The following ZNF469 variants were observed in gnomAD, a reference collection of about 807,000 sequenced individuals.
ZNF469 encodes zinc finger protein 469.
ZNF469 carries 1 observed loss-of-function variant against 1.0 expected under a neutral mutation model. The ratio of observed to expected loss-of-function variants is 1.00; its 90% CI spans 0.35 to 4.73. The LOEUF (loss-of-function observed/expected upper bound fraction) is 4.73. ZNF469 is among the 30% of genes most tolerant of loss of function. The pLI is 0.16. For synonymous variants in ZNF469, 2,703 were observed against 2,363.4 expected (o/e 1.14, Z -4.17); for missense variants, 6,100 against 5,356.3 (o/e 1.14, Z -4.33).
At position 88,435,630 on chromosome 16, in the gene ZNF469, G is replaced by A. The variant is rs1332332335; in HGVS notation, c.8160G>A (p.Gly2720=). 2 of 1,550,426 alleles carry A rather than the reference G, an allele frequency of 1.3e-6. No homozygotes were observed. The highest frequency in any genetic ancestry group is 8.7e-7 in the Non-Finnish European group (1 of 1,146,996). ...AGGCTCTGTGTGCAGGGGAGACTGG[G>A]GCCCAGAAGCCACCTGGAGATCGGA... ...DQEALCAGET[G]AQKPPGDRML... Residue 2720 remains glycine (G), a synonymous_variant, in exon 3 of 3, where the codon GGG becomes GGA. Transcript: ENST00000565624.
At chr16:88,371,720 A>G in the ZNF469 span, among the ~76,000 whole-genome samples, 2 of 152,022 alleles carry the variant, frequency 1.3e-5, no homozygotes, top group Non-Finnish European at 2.9e-5. Flanking sequence ...CACCAACATC[A>G]CAGCTTGGTT....
chr16:88,259,312 C>T, the ZNF469 span, among the ~76,000 whole-genome samples: 1 of 151,562 alleles, frequency 6.6e-6, no homozygotes, highest in Non-Finnish European at 1.5e-5. This position sits in a 1 kb window ranked among gnomAD's most constrained non-coding sequence, Gnocchi z 4.1. Context: ...GGTCGACGCC[C>T]CCTCCTTCCC....
chr16:88,287,148 C>T, the ZNF469 span, among the ~76,000 whole-genome samples: 1 of 152,172 alleles, frequency 6.6e-6, no homozygotes. Flanking sequence ...TTCACCGAAT[C>T]TTCAGTTTCT....
chr16:88,176,776 G>T, the ZNF469 span, among the ~76,000 whole-genome samples: 1 of 152,256 alleles, frequency 6.6e-6, no homozygotes, highest in African/African-American at 2.4e-5. Context: ...AACGCCCAGC[G>T]CAGCTTCTGG....
chr16:88,361,923 T>C, the ZNF469 span, among the ~76,000 whole-genome samples: 55 of 152,318 alleles, frequency 3.6e-4, no homozygotes, highest in Admixed American at 3.6e-3. Context: ...AGATTCACCA[T>C]TGGATTGCAT....
chr16:88,179,526 G>A, the ZNF469 span, among the ~76,000 whole-genome samples: 12 of 152,280 alleles, frequency 7.9e-5, no homozygotes, highest in African/African-American at 2.6e-4. Context: ...AAGTTGCCCG[G>A]CCCCAGGTGT....
the ZNF469 span, among the ~76,000 whole-genome samples, chr16:88,124,693 T>A: frequency 1.3e-5 from 2 of 152,234 alleles, no homozygotes; most frequent in African/African-American, 4.8e-5. Flanking sequence ...CAAGCGATTC[T>A]CCTGCCTCAG....
chr16:88,196,095 G>C, the ZNF469 span, among the ~76,000 whole-genome samples: 1 of 152,240 alleles, frequency 6.6e-6, no homozygotes, highest in Non-Finnish European at 1.5e-5. Flanking sequence ...ATTGGAGTCT[G>C]TGAGGCCAGC....
intron 1 of ZNF469, among the ~76,000 whole-genome samples, chr16:88,393,303 G>T (rs1350638209): frequency 1.3e-5 from 2 of 152,248 alleles, no homozygotes; most frequent in Non-Finnish European, 2.9e-5. Flanking sequence ...TCAGCCCAGG[G>T]CCCGCGGCAT....
the ZNF469 span, among the ~76,000 whole-genome samples, chr16:88,338,021 G>C: frequency 6.6e-6 from 1 of 152,162 alleles, no homozygotes; most frequent in Non-Finnish European, 1.5e-5. Flanking sequence ...TCCTCTGGTT[G>C]CTGTGCTTTC....
chr16:88,107,058 G>A, the ZNF469 span, among the ~76,000 whole-genome samples: 2 of 152,178 alleles, frequency 1.3e-5, no homozygotes, highest in East Asian at 1.9e-4. Flanking sequence ...GCTGGCAGGC[G>A]GGCGGGGGTC....
At chr16:88,207,804 G>C in the ZNF469 span, among the ~76,000 whole-genome samples, 43 of 149,446 alleles carry the variant, frequency 2.9e-4, no homozygotes, top group African/African-American at 7.8e-4. Context: ...CCTCTTATAA[G>C]GATGCACCTG....
intron 1 of ZNF469, among the ~76,000 whole-genome samples, chr16:88,387,854 C>T (rs1904379483): frequency 6.6e-6 from 1 of 152,118 alleles, no homozygotes; most frequent in Non-Finnish European, 1.5e-5. Flanking sequence ...CGTGGAGGAA[C>T]CAGGAGCAAA....
the ZNF469 span, among the ~76,000 whole-genome samples, chr16:88,263,806 C>G: frequency 6.6e-6 from 1 of 152,088 alleles, no homozygotes; most frequent in African/African-American, 2.4e-5. Flanking sequence ...GGAGAGGAGG[C>G]CTGCTGAGAA....
At chr16:88,417,261 G>C (rs1205922102) in intron 1 of ZNF469, among the ~76,000 whole-genome samples, 1 of 152,064 alleles carries the variant, frequency 6.6e-6, no homozygotes, top group Admixed American at 6.5e-5. Flanking sequence ...CCCTTTCTGA[G>C]CCACTGTTCC....
chr16:88,144,497 C>A, the ZNF469 span, among the ~76,000 whole-genome samples: 1 of 152,182 alleles, frequency 6.6e-6, no homozygotes, highest in African/African-American at 2.4e-5. Flanking sequence ...GCCCGTGACA[C>A]GTGACATTTA....
chr16:88,394,785 T>C (rs1030281092), intron 1 of ZNF469, among the ~76,000 whole-genome samples: 9 of 152,210 alleles, frequency 5.9e-5, no homozygotes, highest in Admixed American at 6.5e-5. Context: ...GACAACAGCA[T>C]GTGGAGACCC....
the ZNF469 span, among the ~76,000 whole-genome samples, chr16:88,119,711 C>G: frequency 1.3e-5 from 2 of 152,196 alleles, no homozygotes; most frequent in African/African-American, 4.8e-5. Context: ...TGGGACTGGG[C>G]TGTTCCCAGG....
At chr16:88,402,481 A>G (rs1385920480) in intron 1 of ZNF469, among the ~76,000 whole-genome samples, 1 of 151,922 alleles carries the variant, frequency 6.6e-6, no homozygotes, top group Non-Finnish European at 1.5e-5. Flanking sequence ...GCTTGGGGAG[A>G]GGATGCTACC....
Sources: allele counts gnomAD v4.1 joint callset (sites outside exome capture counted in the v4.1 genomes callset), GRCh38; gene constraint gnomAD v4.1.1; non-coding constraint Gnocchi (gnomAD v3.1); transcripts MANE v1.5; gene names NCBI Gene and HGNC (gene_info 2026-07-23, HGNC 2026-07-21).